Variants in ABHD1 observed in about 807,000 individuals in gnomAD.
ABHD1 encodes the protein protein ABHD1.
In ABHD1, 47 loss-of-function variants were observed where a neutral mutation model predicts 41.4. That is an observed-to-expected ratio of 1.13 (90% CI 0.90 to 1.45). ABHD1 has a LOEUF of 1.45. Ranked by LOEUF, ABHD1 falls within the 40% of genes most tolerant of loss-of-function variation. The probability of loss-of-function intolerance (pLI) is 0.00; values close to 1 mark genes in which losing one functional copy is unlikely to be tolerated. For synonymous variants in ABHD1, 205 were observed against 203.7 expected, an observed-to-expected ratio of 1.01 and a Z score of -0.05; for missense variants, 550 against 503.4, an observed-to-expected ratio of 1.09 and a Z score of -0.89.
In ABHD1 at chr2:27,129,051, C is replaced by A. The variant is rs753475703; in HGVS notation, c.382C>A (p.Leu128Ile). 1 of 1,614,050 alleles carries A rather than the reference C, an allele frequency of 6.2e-7. No individual in the cohort carries two copies. The highest frequency in any genetic ancestry group is 1.3e-5 in the African/African-American group (1 of 74,940). Residue 128 changes from leucine to isoleucine, a missense_variant, in exon 3 of 9, where the codon CTT (leucine) becomes ATT (isoleucine). Physicochemically the swap from Leu to Ile is conservative, Grantham distance 5 (BLOSUM62 2). Transcript: ENST00000316470. ...DPTTQPIVLLLPGITGSSQET... is the reference protein window; with the variant it reads ...DPTTQPIVLLIPGITGSSQET... ...TACTACCCAGCCCATTGTGCTGCTG[C>A]TTCCTGGCATCACTGGCAGTAGCCA...
rs1360962918 is a variant in ABHD1, at chr2:27,130,759, G to A, written c.*15G>A. 2 of 1,610,882 alleles carry A rather than the reference G, an allele frequency of 1.2e-6. No homozygotes were observed. Among genetic ancestry groups the A allele is most frequent in the South Asian group, 2.2e-5 (2 of 91,020 alleles). The stretch of plus-strand genomic sequence containing the variant: ...GAAACAGCTGACAAGAGTACCATTT[G>A]GGGTCTCAGTTCACTCTTTCCTTGT... On this transcript the variant is annotated 3_prime_UTR_variant, in exon 9 of 9. Coordinates refer to ENST00000316470, the MANE Select transcript of ABHD1 (RefSeq NM_032604.4).
Position 27,123,852 on chromosome 2 carries a change from A to G in ABHD1, c.-97A>G. 1 of 1,078,046 alleles carries G rather than the reference A, an allele frequency of 9.3e-7. No homozygotes were observed. Among genetic ancestry groups the G allele is most frequent in the Non-Finnish European group, 1.4e-6 (1 of 708,148 alleles). The allele number at this position is 1,078,046 out of a possible 1,614,324, so 66.8% of individuals were successfully genotyped here. On this transcript the variant is annotated 5_prime_UTR_variant, in exon 1 of 9. Transcript: ENST00000316470. Reference sequence around the variant, plus strand: ...TGCCTGCAGCGGGGACCGGACCTGCACAGGCCGCCTATGGCGGGCGGCGGG... The same window carrying G: ...TGCCTGCAGCGGGGACCGGACCTGCGCAGGCCGCCTATGGCGGGCGGCGGG...
At chr2:27,128,377 T>G in intron 1 of ABHD1, 64 bp from the exon 2 acceptor site, 1 of 1,605,602 alleles carries the variant, frequency 6.2e-7, no homozygotes, top group Non-Finnish European at 8.5e-7. Context: ...CCCTCTGGTG[T>G]TGGGTGCCTC....
chr2:27,128,804 T>C (rs1672086433), intron 2 of ABHD1, 141 bp from the exon 3 acceptor site: 1 of 1,226,226 alleles, frequency 8.2e-7, no homozygotes, highest in South Asian at 1.5e-5. Flanking sequence ...TGTCAAGCCT[T>C]ACTGTTTTAC....
chr2:27,130,347 A>C lies in ABHD1; in HGVS notation c.937A>C (p.Lys313Gln), dbSNP rs1248710900. The C allele has an allele frequency of 6.2e-7, 1 of 1,614,044 alleles. No homozygotes were observed. Among genetic ancestry groups the C allele is most frequent in the African/African-American group, 1.3e-5 (1 of 74,912 alleles). ...CTACAAAGCAGCAAGCCCTAGAACC[A>C]AGATAGATGCCATCCGGATCCCTGT... ...TYYKAASPRT[K>Q]IDAIRIPVLY... The change falls in exon 8 of 9, where the codon AAG becomes CAG. Residue 313 changes from lysine (K) to glutamine (Q), a missense_variant. By Grantham distance (53) the Lys-to-Gln change is moderately conservative (BLOSUM62 1). Transcript: ENST00000316470.
chr2:27,127,734 G>A (rs1465646365), intron 1 of ABHD1, among the ~76,000 whole-genome samples: 1 of 151,258 alleles, frequency 6.6e-6, no homozygotes. Context: ...GCTAATTTTT[G>A]TACTTTTAGT....
At position 27,130,425 on chromosome 2, in the gene ABHD1, T is replaced by A; in HGVS notation, c.1006+9T>A. On this transcript the variant is annotated intron_variant, in intron 8 of 8. Transcript: ENST00000316470. Reference sequence around the variant, plus strand: ...CTTCTCCCCCGTCTGTGGTGAGTACTCTGATTCAGGACACTTTGGCCCCAA... The same window carrying A: ...CTTCTCCCCCGTCTGTGGTGAGTACACTGATTCAGGACACTTTGGCCCCAA... 2 of 1,614,136 alleles carry A rather than the reference T, an allele frequency of 1.2e-6. No individual in the cohort carries two copies. Among genetic ancestry groups the A allele is most frequent in the South Asian group, 2.2e-5 (2 of 91,080 alleles).
chr2:27,129,314 AGGGCTGTCGTGTTTAACAACCG>A lies in ABHD1; in HGVS notation c.464_485del (p.Val155AlafsTer20), dbSNP rs1553350385. The A allele has an allele frequency of 6.2e-7, 1 of 1,614,168 alleles. No homozygotes were observed. Among genetic ancestry groups the A allele is most frequent in the Non-Finnish European group, 8.5e-7 (1 of 1,180,010 alleles). On this transcript the variant is annotated splice_acceptor_variant and coding_sequence_variant, in exon 4 of 9. Coordinates refer to ENST00000316470, the MANE Select transcript of ABHD1 (RefSeq NM_032604.4). LOFTEE classifies it high-confidence loss of function. ...GCTAAGATGTACCTGTGTGTGCCAC[AGGGCTGTCGTGTTTAACAACCG>A]GGGCTGCCGTGGGGAGGAACTGCGG...
Position 27,130,517 on chromosome 2 carries a change from T to C in ABHD1, c.1007-16T>C, listed in dbSNP as rs756297093. 6.2e-7 allele frequency: 1 copy of C among 1,613,318 alleles called. No homozygotes were observed. The highest frequency in any genetic ancestry group is 8.5e-7 in the Non-Finnish European group (1 of 1,179,284). ...CCAGTGAAGGCCAGTGTTTCTAACCTCTGACCCTCTCCTAGCCCTTCCCAT... is the reference window on the plus strand; with the variant it reads ...CCAGTGAAGGCCAGTGTTTCTAACCCCTGACCCTCTCCTAGCCCTTCCCAT... On this transcript the variant is annotated splice_polypyrimidine_tract_variant and intron_variant, in intron 8 of 8. Coordinates refer to ENST00000316470, the MANE Select transcript of ABHD1 (RefSeq NM_032604.4).
Position 27,130,327 on chromosome 2 carries a change from A to G in ABHD1, c.917A>G (p.Lys306Arg). 2 of 1,614,042 alleles carry G rather than the reference A, an allele frequency of 1.2e-6. No individual in the cohort carries two copies. The highest frequency in any genetic ancestry group is 1.7e-6 in the Non-Finnish European group (2 of 1,179,996). ...TATCAAGACTGTGTTACCTACTACA[A>G]AGCAGCAAGCCCTAGAACCAAGATA... ...FGYQDCVTYY[K>R]AASPRTKIDA... The change falls in exon 8 of 9, where the codon AAA becomes AGA. Residue 306 changes from lysine (K) to arginine (R), a missense_variant. By Grantham distance (26) the Lys-to-Arg change is conservative. Coordinates refer to ENST00000316470, the MANE Select transcript of ABHD1 (RefSeq NM_032604.4).
At position 27,130,573 on chromosome 2, in the gene ABHD1, G is replaced by A. The variant is rs372960078; in HGVS notation, c.1047G>A (p.Ala349=). The A allele has an allele frequency of 6.8e-6, 11 of 1,614,014 alleles. No individual in the cohort carries two copies. The highest frequency in any genetic ancestry group is 4.0e-5 in the African/African-American group (3 of 74,916). ...IQAAQHSPYV[A]LLITARGGHI... Reference sequence around the variant, plus strand: ...CCGCCCAACACTCCCCCTACGTTGCGCTGCTCATCACAGCCCGGGGTGGCC... The same window carrying A: ...CCGCCCAACACTCCCCCTACGTTGCACTGCTCATCACAGCCCGGGGTGGCC... Residue 349 remains alanine (A), a synonymous_variant, in exon 9 of 9, where the codon GCG becomes GCA. Coordinates refer to ENST00000316470, the MANE Select transcript of ABHD1 (RefSeq NM_032604.4).
Position 27,130,560 on chromosome 2 carries a change from C to A in ABHD1, c.1034C>A (p.Ser345Tyr), listed in dbSNP as rs776077943. 5.6e-6 allele frequency: 9 copies of A among 1,614,070 alleles called. No individual in the cohort carries two copies. The highest frequency in any genetic ancestry group is 7.6e-6 in the Non-Finnish European group (9 of 1,180,054). ...CTTCCCATACAGGCCGCCCAACACT[C>A]CCCCTACGTTGCGCTGCTCATCACA... ...CALPIQAAQH[S>Y]PYVALLITAR... Residue 345 changes from serine (S) to tyrosine (Y), a missense_variant, in exon 9 of 9, where the codon TCC becomes TAC. Coordinates refer to ENST00000316470, the MANE Select transcript of ABHD1 (RefSeq NM_032604.4).
At chr2:27,124,249 C>T in intron 1 of ABHD1, 187 bp downstream of exon 1, 1 of 699,472 alleles carries the variant, frequency 1.4e-6, no homozygotes, top group Non-Finnish European at 2.6e-6. Context: ...CCCATGCCAG[C>T]TGGGCCTTTT....
chr2:27,125,377 C>G (rs1671918075), intron 1 of ABHD1: 1 of 152,164 alleles, frequency 6.6e-6, no homozygotes, highest in African/African-American at 2.4e-5. Context: ...AAGTGCCATT[C>G]TGGAGGCCCT....
Position 27,130,402 on chromosome 2 carries a change from T to C in ABHD1, c.992T>C (p.Phe331Ser), listed in dbSNP as rs1672186324. The C allele has an allele frequency of 3.7e-6, 6 of 1,614,046 alleles. No homozygotes were observed. Among genetic ancestry groups the C allele is most frequent in the Non-Finnish European group, 5.1e-6 (6 of 1,180,022 alleles). Residue 331 changes from phenylalanine (F) to serine (S), a missense_variant, in exon 8 of 9, where the codon TTC becomes TCC. Phe to Ser is a radical substitution (Grantham distance 155, BLOSUM62 -2). Transcript: ENST00000316470. ...VLYLSAADDP[F>S]SPVCALPIQA... is the part of the protein sequence containing the mutation. ...TATCTCAGTGCAGCAGATGACCCCT[T>C]CTCCCCCGTCTGTGGTGAGTACTCT...
intron 1 of ABHD1, among the ~76,000 whole-genome samples, chr2:27,127,824 T>G (rs1195629110): frequency 6.6e-6 from 1 of 151,742 alleles, no homozygotes; most frequent in East Asian, 2.0e-4. Flanking sequence ...CCTCCCAAAG[T>G]GCTGGGATTA....
chr2:27,129,730 A>G (rs1414431126), intron 5 of ABHD1, 24 bp from the exon 6 acceptor site: 1 of 1,613,006 alleles, frequency 6.2e-7, no homozygotes, highest in Non-Finnish European at 8.5e-7. Flanking sequence ...CCCTTCTTTC[A>G]TGGTCCCTTG....
chr2:27,126,293 C>T (rs1016500977), intron 1 of ABHD1: 2 of 152,250 alleles, frequency 1.3e-5, no homozygotes, highest in African/African-American at 4.8e-5. Flanking sequence ...CTCTGTCAGT[C>T]ATAACTTCTT....
chr2:27,129,827 T>C lies in ABHD1; in HGVS notation c.691T>C (p.Cys231Arg), dbSNP rs763747273. 7 of 1,614,104 alleles carry C rather than the reference T, an allele frequency of 4.3e-6. No homozygotes were observed. Among genetic ancestry groups the C allele is most frequent in the Admixed American group, 1.7e-5 (1 of 60,012 alleles). ...GLVAALTLSACWDSFETTRSL... is the reference protein window; with the variant it reads ...GLVAALTLSARWDSFETTRSL... ...GGTGGCAGCACTGACTCTGTCTGCA[T>C]GCTGGGATTCCTTTGAGACCACTCG... is the stretch of plus-strand genomic sequence containing the variant. The change falls in exon 6 of 9, where the codon TGC becomes CGC. Residue 231 changes from cysteine to arginine, a missense_variant. By Grantham distance (180) the Cys-to-Arg change is radical. Coordinates refer to ENST00000316470, the MANE Select transcript of ABHD1 (RefSeq NM_032604.4).
Sources: allele counts gnomAD v4.1 joint callset (sites outside exome capture counted in the v4.1 genomes callset), GRCh38; gene constraint gnomAD v4.1.1; transcripts MANE v1.5; gene names NCBI Gene and HGNC (gene_info 2026-07-23, HGNC 2026-07-21).